The following CACNA1E variants were observed in gnomAD, a reference collection of about 807,000 sequenced individuals.
CACNA1E encodes the protein calcium voltage-gated channel subunit alpha1 E, also known as voltage-dependent R-type calcium channel subunit alpha-1E.
Under a neutral mutation model 259.2 loss-of-function variants are expected in CACNA1E, and 40 were observed. The observed-to-expected ratio is 0.15, with a 90% CI of 0.12 to 0.20. The LOEUF (loss-of-function observed/expected upper bound fraction) is 0.20, where lower values mean the gene tolerates loss of function less well. Ranked by LOEUF, CACNA1E falls within the 10% of genes least tolerant of loss-of-function variation. The pLI is 1.00. For synonymous variants in CACNA1E, 1,104 were observed against 1,138.5 expected, an observed-to-expected ratio of 0.97 and a Z score of 0.61; for missense variants, 1,874 against 3,040.1, an observed-to-expected ratio of 0.62 and a Z score of 9.02.
At chr1:181,683,410 G>T (rs939671249) in intron 7 of CACNA1E, among the ~76,000 whole-genome samples, 4 of 152,140 alleles carry the variant, frequency 2.6e-5, no homozygotes, top group Non-Finnish European at 5.9e-5. Flanking sequence ...GGGTTTAAGA[G>T]ACTTTTTTAA....
Position 181,579,011 on chromosome 1 carries a change from C to T in CACNA1E, c.617-61C>T, listed in dbSNP as rs1219185536. The T allele has an allele frequency of 1.1e-5, 15 of 1,353,598 alleles. No homozygotes were observed. The Admixed American group carries it at 3.1e-4, about 28-fold the overall frequency. The allele number at this position is 1,353,598 out of a possible 1,614,324, so 83.8% of individuals were successfully genotyped here. A position where few individuals can be genotyped will look rare whatever the true frequency, so the allele number is the denominator to read the frequency against. On this transcript the variant is annotated intron_variant, in intron 4 of 47. Transcript: ENST00000367573. ...AACCAATGAGGGAATGAAACTAATC[C>T]TCCCCTATCAGATGGTGCTGAGGGA...
chr1:181,598,041 G>A (rs1653372803), intron 6 of CACNA1E, among the ~76,000 whole-genome samples: 1 of 152,196 alleles, frequency 6.6e-6, no homozygotes. Context: ...ATCCTCCCAA[G>A]GTCATACAGC....
intron 2 of CACNA1E, among the ~76,000 whole-genome samples, chr1:181,456,590 G>A (rs1207923720): frequency 6.6e-6 from 1 of 152,210 alleles, no homozygotes; most frequent in Non-Finnish European, 1.5e-5. Flanking sequence ...GGCCAAGGGA[G>A]CCATCTTTTT....
chr1:181,440,350 G>T (rs11582261), intron 2 of CACNA1E, among the ~76,000 whole-genome samples: 77,712 of 151,916 alleles, frequency 0.51, 20,081 homozygotes, highest in Admixed American at 0.56. Flanking sequence ...ATTCTTCAAA[G>T]GAAATTAATT....
rs538060510 is a variant in CACNA1E at position 181,606,327 on chromosome 1, C to T, written c.951+25551C>T. ...CCTAGTAAAACAGCTCTACCACCTA[C>T]GGAGTTGCCCAAGCCAAAAACCTCA... On this transcript the variant is annotated intron_variant, in intron 6 of 47. Transcript: ENST00000367573. 4.6e-5 allele frequency among the ~76,000 whole-genome samples: 7 copies of T among 152,302 alleles called. No homozygotes were observed. In the East Asian group the frequency reaches 5.8e-4, roughly 13 times the overall value.
chr1:181,555,497 T>G (rs2102860589), intron 3 of CACNA1E, among the ~76,000 whole-genome samples: 1 of 152,354 alleles, frequency 6.6e-6, no homozygotes, highest in Non-Finnish European at 1.5e-5. Flanking sequence ...AGAAGGCTAA[T>G]CCAGTGCCAC....
At position 181,732,551 on chromosome 1, in the gene CACNA1E, C is replaced by G. The variant is rs1655595997; in HGVS notation, c.2465C>G (p.Ala822Gly). The change falls in exon 20 of 48, where the codon GCC (alanine) becomes GGC (glycine). Residue 822 changes from alanine to glycine, a missense_variant. Ala to Gly is a moderately conservative substitution (Grantham distance 60). This residue lies in a region of CACNA1E where 476 missense variants were observed against 514.0 expected (regional missense o/e 0.93). Coordinates refer to ENST00000367573, the MANE Select transcript of CACNA1E (RefSeq NM_001205293.3). This position sits in a 1 kb window ranked among gnomAD's most constrained non-coding sequence, Gnocchi z 5.5. ...CTCAGCTCCCTCAACCCGCTCAATG[C>G]CCACCCCAGCCTTTATCGGCGACCC... ...NPLSSLNPLN[A>G]HPSLYRRPRA... The G allele has an allele frequency of 6.5e-7, 1 of 1,547,646 alleles. No homozygotes were observed. Among genetic ancestry groups the G allele is most frequent in the African/African-American group, 1.4e-5 (1 of 72,892 alleles).
intron 22 of CACNA1E, 125 bp from the exon 23 acceptor site, chr1:181,737,400 C>T: frequency 9.2e-7 from 1 of 1,084,714 alleles, no homozygotes; most frequent in Non-Finnish European, 1.3e-6. Context: ...ATTGCTCTCC[C>T]TGGCGGCTTC....
rs113971767 is a variant in CACNA1E, at chr1:181,717,845, G to T, written c.1526-210G>T. ...TGACAGGCCTACCTATTGAAAGAGA[G>T]CAATGCTGATCTCTTGAGTGCACCT... On this transcript the variant is annotated intron_variant, in intron 11 of 47. Coordinates refer to ENST00000367573, the MANE Select transcript of CACNA1E (RefSeq NM_001205293.3). Among the ~76,000 whole-genome samples, 2,261 of 152,258 alleles carry T rather than the reference G, an allele frequency of 0.015. 46 individuals carry two copies. The highest frequency in any genetic ancestry group is 0.048 in the African/African-American group (1,990 of 41,530).
At chr1:181,657,013 T>G (rs1350559743) in intron 7 of CACNA1E, among the ~76,000 whole-genome samples, 2 of 152,206 alleles carry the variant, frequency 1.3e-5, no homozygotes, top group African/African-American at 4.8e-5. Context: ...AATGCATTTC[T>G]CAGAATGTAC....
At chr1:181,539,257 C>G (rs1209404366) in intron 3 of CACNA1E, among the ~76,000 whole-genome samples, 1 of 152,206 alleles carries the variant, frequency 6.6e-6, no homozygotes, top group Non-Finnish European at 1.5e-5. Flanking sequence ...TCCTCCACTA[C>G]ATAGCTTCTC....
intron 1 of CACNA1E, among the ~76,000 whole-genome samples, chr1:181,362,883 C>T (rs192357848): frequency 6.6e-6 from 1 of 152,300 alleles, no homozygotes. Context: ...TGACCTGACC[C>T]CTAGGCTGTA....
intron 27 of CACNA1E, among the ~76,000 whole-genome samples, chr1:181,753,957 G>A (rs1021745269): frequency 1.3e-5 from 2 of 152,172 alleles, no homozygotes; most frequent in South Asian, 2.1e-4. Flanking sequence ...TGGCCTGGCC[G>A]ACTGCTGTCC....
intron 28 of CACNA1E, among the ~76,000 whole-genome samples, 190 bp from the exon 29 acceptor site, chr1:181,755,766 A>G (rs1340966021): frequency 4.6e-5 from 7 of 152,222 alleles, no homozygotes; most frequent in Non-Finnish European, 2.9e-5. Flanking sequence ...TTACTCCTGT[A>G]TCTGTTGGGC....
At chr1:181,335,831 C>A (rs776952348) in intron 1 of CACNA1E, among the ~76,000 whole-genome samples, 2 of 152,226 alleles carry the variant, frequency 1.3e-5, no homozygotes, top group African/African-American at 2.4e-5. Flanking sequence ...ATCTGTGAGG[C>A]TGACACCCTG....
chr1:181,752,368 T>C, intron 27 of CACNA1E, 129 bp downstream of exon 27: 1 of 691,192 alleles, frequency 1.4e-6, no homozygotes, highest in Non-Finnish European at 2.6e-6. Flanking sequence ...TCGAAGTTCT[T>C]TTCATCTGCC....
At chr1:181,622,542 T>G (rs1655819162) in intron 6 of CACNA1E, among the ~76,000 whole-genome samples, 1 of 152,180 alleles carries the variant, frequency 6.6e-6, no homozygotes, top group Admixed American at 6.5e-5. Flanking sequence ...TCCCATGTTC[T>G]TTTTCTGTGT....
At chr1:181,715,264 C>A in intron 8 of CACNA1E, 74 bp from the exon 9 acceptor site, 1 of 886,464 alleles carries the variant, frequency 1.1e-6, no homozygotes, top group South Asian at 1.4e-5. Context: ...CTGAAGTTGT[C>A]CCTGAGGGAT....
chr1:181,425,435 A>G (rs569208210), intron 2 of CACNA1E, among the ~76,000 whole-genome samples: 3 of 152,194 alleles, frequency 2.0e-5, no homozygotes, highest in African/African-American at 7.2e-5. Flanking sequence ...GCAGAAAAGG[A>G]AGTGCTCATT....
Sources: gnomAD v4.1 joint callset for allele counts (sites outside exome capture counted in the v4.1 genomes callset) on GRCh38, gnomAD v4.1.1 for gene constraint, gnomAD v4.1.1 regional missense constraint, Gnocchi (gnomAD v3.1) non-coding constraint, MANE v1.5 for transcripts, NCBI Gene and HGNC (gene_info 2026-07-23, HGNC 2026-07-21) for gene names.